The following SNTG1 variants were observed in gnomAD, a reference collection of about 807,000 sequenced individuals.
SNTG1 encodes gamma-1-syntrophin.
A neutral mutation model predicts 74.7 loss-of-function variants in SNTG1; 39 were observed. The observed-to-expected ratio is 0.52, with a 90% confidence interval of 0.40 to 0.68. SNTG1 has a LOEUF of 0.68. Ranked by LOEUF, SNTG1 falls within the 30% of genes least tolerant of loss-of-function variation. The probability of loss-of-function intolerance (pLI) is 0.00; values close to 1 mark genes in which losing one functional copy is unlikely to be tolerated. For synonymous variants in SNTG1, 254 were observed against 217.1 expected, an observed-to-expected ratio of 1.17 and a Z score of -1.49; for missense variants, 685 against 609.5, an observed-to-expected ratio of 1.12 and a Z score of -1.30.
chr8:50,701,746 TCC>T (rs1491514081), intron 15 of SNTG1, among the ~76,000 whole-genome samples: 5,985 of 61,394 alleles, frequency 0.097, 394 homozygotes, highest in East Asian at 0.31. Context: ...CTTTTTCTTC[TCC>T]TTCTTCTCCT....
chr8:50,093,205 C>A (rs1436274583), intron 1 of SNTG1, among the ~76,000 whole-genome samples: 1 of 152,038 alleles, frequency 6.6e-6, no homozygotes. Flanking sequence ...ATATACATAT[C>A]CAAATGACCT....
intron 13 of SNTG1, among the ~76,000 whole-genome samples, chr8:50,618,810 A>T (rs1427300397): frequency 3.3e-5 from 5 of 152,138 alleles, no homozygotes; most frequent in Admixed American, 3.3e-4. Context: ...TATAGAGTTC[A>T]CAATATGGCT....
chr8:50,433,061 A>G (rs1372746916), intron 4 of SNTG1, among the ~76,000 whole-genome samples: 3 of 152,180 alleles, frequency 2.0e-5, no homozygotes, highest in Non-Finnish European at 2.9e-5. Flanking sequence ...AAGTGCTGGG[A>G]TTACAGGCAT....
At chr8:50,459,343 C>T (rs1459663784) in intron 8 of SNTG1, among the ~76,000 whole-genome samples, 1 of 152,044 alleles carries the variant, frequency 6.6e-6, no homozygotes. Flanking sequence ...GTTAAGCAAA[C>T]TATTTGTATT....
intron 2 of SNTG1, among the ~76,000 whole-genome samples, chr8:50,387,268 C>T (rs1443254115): frequency 6.6e-6 from 1 of 152,098 alleles, no homozygotes; most frequent in Non-Finnish European, 1.5e-5. Flanking sequence ...ATGGTAATTT[C>T]TGCCCTACAG....
At chr8:50,049,004 T>TA (rs954922167) in intron 1 of SNTG1, among the ~76,000 whole-genome samples, 7 of 151,586 alleles carry the variant, frequency 4.6e-5, no homozygotes, top group Non-Finnish European at 7.4e-5. Flanking sequence ...TCAAAAAAGT[T>TA]AAAAAAACTA....
rs184289184 is a variant in SNTG1, at chr8:49,933,277, G to A, written c.-103+21046G>A. ...TCCTCGCCAATGCTTGTTAGTGTCT[G>A]TCTTTTTTATTATAGCCATCCGAGT... On this transcript the variant is annotated intron_variant, in intron 1 of 18. Coordinates refer to ENST00000642720, the MANE Select transcript of SNTG1 (RefSeq NM_018967.5). 2.0e-3 allele frequency among the ~76,000 whole-genome samples: 304 copies of A among 152,232 alleles called. 1 individual carries two copies. The highest frequency in any genetic ancestry group is 2.0e-3 in the Non-Finnish European group (137 of 68,006).
intron 2 of SNTG1, among the ~76,000 whole-genome samples, chr8:50,279,952 C>T (rs564847062): frequency 1.3e-5 from 2 of 152,310 alleles, no homozygotes; most frequent in Admixed American, 6.5e-5. Flanking sequence ...GGGAGACACC[C>T]TTACAAATGG....
At chr8:50,066,395 C>A (rs149690851) in intron 1 of SNTG1, among the ~76,000 whole-genome samples, 1 of 152,030 alleles carries the variant, frequency 6.6e-6, no homozygotes, top group South Asian at 2.1e-4. Context: ...AATTAACATA[C>A]TCATCATCTC....
At chr8:50,370,682 AG>A (rs1282441938) in intron 2 of SNTG1, among the ~76,000 whole-genome samples, 2 of 152,072 alleles carry the variant, frequency 1.3e-5, no homozygotes, top group Non-Finnish European at 2.9e-5. Context: ...ATTTCTCTCC[AG>A]AGCCATCCCC....
chr8:50,705,325 G>GT (rs921701059), intron 16 of SNTG1, among the ~76,000 whole-genome samples: 4 of 151,840 alleles, frequency 2.6e-5, no homozygotes, highest in Admixed American at 2.6e-4. Flanking sequence ...TACTTTTCTG[G>GT]TTTTTTTACA....
intron 2 of SNTG1, among the ~76,000 whole-genome samples, chr8:50,354,180 T>C (rs1341123785): frequency 6.6e-6 from 1 of 152,234 alleles, no homozygotes; most frequent in African/African-American, 2.4e-5. Context: ...CTTTATTAGC[T>C]GTTACTAAAA....
intron 5 of SNTG1, among the ~76,000 whole-genome samples, chr8:50,439,151 T>G (rs2131571525): frequency 6.6e-6 from 1 of 152,274 alleles, no homozygotes; most frequent in Non-Finnish European, 1.5e-5. Context: ...TAAAGGCCTT[T>G]ATTTTGTATA....
At chr8:50,538,723 T>G (rs1361198721) in intron 11 of SNTG1, among the ~76,000 whole-genome samples, 1 of 152,158 alleles carries the variant, frequency 6.6e-6, no homozygotes, top group African/African-American at 2.4e-5. Context: ...GATTATGACT[T>G]TCACCAAATT....
chr8:50,316,494 G>A (rs1448808926), intron 2 of SNTG1, among the ~76,000 whole-genome samples: 2 of 152,132 alleles, frequency 1.3e-5, no homozygotes, highest in Non-Finnish European at 2.9e-5. Context: ...CATTCTTTAT[G>A]TGGCTTTTTG....
Position 50,795,492 on chromosome 8 carries a change from A to C in SNTG1, c.*2663A>C, listed in dbSNP as rs1307887068. 6.6e-6 allele frequency: 1 copy of C among 152,028 alleles called. No homozygotes were observed. Among genetic ancestry groups the C allele is most frequent in the African/African-American group, 2.4e-5 (1 of 41,418 alleles). 9.4% of individuals were successfully genotyped at this position (152,028 alleles called of 1,614,324 possible). On this transcript the variant is annotated 3_prime_UTR_variant, in exon 19 of 19. Transcript: ENST00000642720. ...AAATCCTAGTTTGTACATTAAGCAC[A>C]TTTTAACAGCAAAATGCTAATGTGT...
chr8:50,047,446 T>C (rs532178948), intron 1 of SNTG1, among the ~76,000 whole-genome samples: 1 of 152,084 alleles, frequency 6.6e-6, no homozygotes, highest in Non-Finnish European at 1.5e-5. Context: ...AAAAGAAGGC[T>C]CTATGTAAAA....
intron 1 of SNTG1, among the ~76,000 whole-genome samples, chr8:49,941,462 A>AAT (rs1491368979): frequency 6.8e-6 from 1 of 148,098 alleles, no homozygotes; most frequent in Non-Finnish European, 1.5e-5. Flanking sequence ...ATATTATATT[A>AAT]ATATATATTT....
Position 50,536,758 on chromosome 8 carries a change from T to A in SNTG1, c.630T>A (p.Pro210=), listed in dbSNP as rs757903429. 1.2e-6 allele frequency: 2 copies of A among 1,614,046 alleles called. No individual in the cohort carries two copies. The highest frequency in any genetic ancestry group is 3.3e-5 in the Admixed American group (2 of 60,018). Residue 210 remains proline, a synonymous_variant, in exon 11 of 19, where the codon CCT becomes CCA. Coordinates refer to ENST00000642720, the MANE Select transcript of SNTG1 (RefSeq NM_018967.5). ...GATGGTGCGACCTCAGACTGATCCC[T>A]CTACTTCATTCGCGCTTCTCTCAGT... ...EKRWCDLRLI[P]LLHSRFSQYV... is the part of the protein sequence containing the mutation.
Sources: gnomAD v4.1 joint callset for allele counts (sites outside exome capture counted in the v4.1 genomes callset) on GRCh38, gnomAD v4.1.1 for gene constraint, MANE v1.5 for transcripts, NCBI Gene and HGNC (gene_info 2026-07-23, HGNC 2026-07-21) for gene names.